The following CNTN5 variants were observed in gnomAD, a reference collection of about 807,000 sequenced individuals.
CNTN5 encodes contactin 5.
Under a neutral mutation model 129.1 loss-of-function variants are expected in CNTN5, and 77 were observed. The observed-to-expected ratio is 0.60, with a 90% CI of 0.50 to 0.72. CNTN5 has a LOEUF of 0.72. CNTN5 is among the 30% of genes least tolerant of loss of function. The pLI, the probability that CNTN5 is intolerant of heterozygous loss-of-function variation, is 0.00. For missense variants in CNTN5, 1,478 were observed against 1,328.8 expected (o/e 1.11, Z -1.75); for synonymous variants, 509 against 465.6 (o/e 1.09, Z -1.20).
At chr11:99,586,633 G>A (rs1949802206) in intron 3 of CNTN5, among the ~76,000 whole-genome samples, 1 of 151,996 alleles carries the variant, frequency 6.6e-6, no homozygotes, top group Non-Finnish European at 1.5e-5. Flanking sequence ...TTAATATTAC[G>A]ACTATACTGT....
chr11:99,728,388 ATATTC>A, intron 3 of CNTN5, among the ~76,000 whole-genome samples: 1 of 152,310 alleles, frequency 6.6e-6, no homozygotes, highest in East Asian at 1.9e-4. Context: ...CAAATATACT[ATATTC>A]TGAGAGAATC....
At chr11:99,627,292 C>G (rs911594096) in intron 3 of CNTN5, among the ~76,000 whole-genome samples, 2 of 152,098 alleles carry the variant, frequency 1.3e-5, no homozygotes, top group Non-Finnish European at 2.9e-5. Context: ...TTGAACATTT[C>G]CAAACTGAAC....
chr11:100,001,979 A>G, intron 8 of CNTN5, 55 bp from the exon 9 acceptor site: 1 of 1,250,042 alleles, frequency 8.0e-7, no homozygotes, highest in Non-Finnish European at 1.1e-6. Flanking sequence ...CTCCAGGATT[A>G]AGAAACAAAT....
At chr11:99,529,519 T>C (rs1005961931) in intron 2 of CNTN5, among the ~76,000 whole-genome samples, 13 of 152,182 alleles carry the variant, frequency 8.5e-5, no homozygotes, top group Non-Finnish European at 1.9e-4. Context: ...ACTGTAGATA[T>C]TTAGACATAA....
intron 1 of CNTN5, among the ~76,000 whole-genome samples, chr11:99,113,203 G>C (rs1211858951): frequency 6.6e-6 from 1 of 151,974 alleles, no homozygotes; most frequent in African/African-American, 2.4e-5. Flanking sequence ...GCTCATACTG[G>C]TGATCTGTTA....
At chr11:99,477,384 T>A (rs573359676) in intron 2 of CNTN5, among the ~76,000 whole-genome samples, 1 of 152,058 alleles carries the variant, frequency 6.6e-6, no homozygotes, top group African/African-American at 2.4e-5. Context: ...CTTCATTGTA[T>A]AACTAAACTC....
chr11:99,400,702 T>C (rs1041660453), intron 2 of CNTN5, among the ~76,000 whole-genome samples: 5 of 152,138 alleles, frequency 3.3e-5, no homozygotes, highest in Non-Finnish European at 7.4e-5. Context: ...ACCAATAGCA[T>C]ACAAGGGTTG....
intron 8 of CNTN5, among the ~76,000 whole-genome samples, chr11:99,963,128 A>G (rs528212574): frequency 2.6e-4 from 39 of 152,240 alleles, no homozygotes; most frequent in African/African-American, 8.7e-4. Context: ...ATCTGATGGT[A>G]GTTTCTTTTG....
intron 3 of CNTN5, among the ~76,000 whole-genome samples, chr11:99,569,115 A>G (rs565971756): frequency 2.6e-5 from 4 of 151,906 alleles, no homozygotes; most frequent in African/African-American, 9.7e-5. Flanking sequence ...TGAAGTGAAA[A>G]TTTTTTATTT....
At chr11:99,919,848 T>C (rs915002580) in intron 7 of CNTN5, among the ~76,000 whole-genome samples, 4 of 151,486 alleles carry the variant, frequency 2.6e-5, no homozygotes, top group Non-Finnish European at 5.9e-5. Context: ...TTAAGACATG[T>C]TTTTGCCATG....
chr11:100,314,159 C>T (rs2076362050), intron 21 of CNTN5, among the ~76,000 whole-genome samples: 1 of 152,102 alleles, frequency 6.6e-6, no homozygotes, highest in Non-Finnish European at 1.5e-5. Context: ...GTGGAATTTC[C>T]TGTATTTTGT....
chr11:99,243,616 T>C (rs920599930), intron 1 of CNTN5, among the ~76,000 whole-genome samples: 2 of 152,070 alleles, frequency 1.3e-5, no homozygotes, highest in African/African-American at 4.8e-5. Context: ...AAATATTTAA[T>C]CTATCTTGAC....
chr11:100,044,002 T>C (rs894545216), intron 9 of CNTN5, among the ~76,000 whole-genome samples: 1 of 152,006 alleles, frequency 6.6e-6, no homozygotes, highest in African/African-American at 2.4e-5. Flanking sequence ...ATGTACATTG[T>C]GCCCGTTAAG....
intron 2 of CNTN5, among the ~76,000 whole-genome samples, chr11:99,412,986 C>T (rs1431099353): frequency 1.3e-5 from 2 of 152,160 alleles, no homozygotes; most frequent in Non-Finnish European, 2.9e-5. Flanking sequence ...GACTTTATGA[C>T]TTTATTATAA....
rs76002007 is a variant in CNTN5 at position 100,100,969 on chromosome 11, G to A, written c.1580+26675G>A. Among the ~76,000 whole-genome samples, 999 of 152,120 alleles carry A rather than the reference G, an allele frequency of 6.6e-3. 3 individuals carry two copies. The highest frequency in any genetic ancestry group is 0.014 in the Middle Eastern group (4 of 294). Reference sequence around the variant, plus strand: ...ACTGATACAATATCTACAAATTATCGAAAAGATGTCAAAAACACATGGGGC... The same window carrying A: ...ACTGATACAATATCTACAAATTATCAAAAAGATGTCAAAAACACATGGGGC... On this transcript the variant is annotated intron_variant, in intron 13 of 24. Transcript: ENST00000524871.
intron 1 of CNTN5, among the ~76,000 whole-genome samples, chr11:99,251,636 A>G (rs184982286): frequency 7.2e-5 from 11 of 152,136 alleles, no homozygotes; most frequent in Admixed American, 2.0e-4. Context: ...TTCTAGGGCT[A>G]TAACTATAAC....
intron 4 of CNTN5, among the ~76,000 whole-genome samples, chr11:99,840,734 G>A (rs10790992): frequency 0.68 from 103,054 of 151,938 alleles, 34,955 homozygotes; most frequent in East Asian, 0.72. Context: ...CTACTTGGTT[G>A]AAGAGTTTAA....
chr11:99,125,869 G>C (rs1203464938), intron 1 of CNTN5, among the ~76,000 whole-genome samples: 1 of 152,052 alleles, frequency 6.6e-6, no homozygotes, highest in Non-Finnish European at 1.5e-5. Flanking sequence ...AAGGTACAAT[G>C]AAAATGGTAA....
chr11:99,320,467 T>C (rs1315753889), intron 1 of CNTN5, among the ~76,000 whole-genome samples: 1 of 152,166 alleles, frequency 6.6e-6, no homozygotes, highest in Non-Finnish European at 1.5e-5. Flanking sequence ...GACATAAATT[T>C]GGAAGTTTTT....
Sources: allele counts gnomAD v4.1 joint callset (sites outside exome capture counted in the v4.1 genomes callset), GRCh38; gene constraint gnomAD v4.1.1; transcripts MANE v1.5; gene names NCBI Gene and HGNC (gene_info 2026-07-23, HGNC 2026-07-21).